Variants in AKAP10 observed in about 807,000 individuals in gnomAD.
AKAP10 encodes A-kinase anchoring protein 10.
Under a neutral mutation model 80.8 loss-of-function variants are expected in AKAP10, and 24 were observed. The ratio of observed to expected loss-of-function variants is 0.30; its 90% CI spans 0.22 to 0.42. AKAP10 has a LOEUF of 0.42. Among genes scored for constraint, AKAP10 ranks in the 10% least tolerant of loss-of-function variants. The pLI is 1.00. For missense variants in AKAP10, 661 were observed against 794.9 expected, an observed-to-expected ratio of 0.83 and a Z score of 2.03; for synonymous variants, 291 against 277.7, an observed-to-expected ratio of 1.05 and a Z score of -0.48.
At chr17:19,931,390 CTCTT>C (rs2042930932) in intron 10 of AKAP10, among the ~76,000 whole-genome samples, 1 of 148,918 alleles carries the variant, frequency 6.7e-6, no homozygotes, top group Non-Finnish European at 1.5e-5. Context: ...TTTTATTTCT[CTCTT>C]TTTTTTTTTT....
intron 4 of AKAP10, among the ~76,000 whole-genome samples, chr17:19,947,936 CA>C (rs2043153236): frequency 6.9e-6 from 1 of 144,180 alleles, no homozygotes; most frequent in African/African-American, 2.6e-5. Flanking sequence ...GATGCTTTAC[CA>C]AAAGTTTATG....
Position 19,936,404 on chromosome 17 carries a change from G to C in AKAP10, c.1349C>G (p.Pro450Arg), listed in dbSNP as rs1324410347. The C allele has an allele frequency of 6.2e-7, 1 of 1,612,276 alleles. No individual in the cohort carries two copies. The highest frequency in any genetic ancestry group is 2.2e-5 in the East Asian group (1 of 44,858). ...DKYFSLQATH[P>R]LGFDDVVRLE... ...TCGTACAACATCATCAAATCCAAGA[G>C]GATGTGTGGCTTGGAGGGAGAAGTA... Residue 450 changes from proline (P) to arginine (R), a missense_variant, in exon 9 of 15, where the codon CCT (proline) becomes CGT (arginine). Pro to Arg is a moderately radical substitution (Grantham distance 103, BLOSUM62 -2). Transcript: ENST00000225737.
intron 11 of AKAP10, among the ~76,000 whole-genome samples, chr17:19,923,620 G>A (rs895713471): frequency 3.3e-5 from 5 of 151,816 alleles, no homozygotes; most frequent in Admixed American, 6.6e-5. Flanking sequence ...TCCGCCTCCC[G>A]GGCTCACGCC....
chr17:19,928,333 C>A (rs1453422384), intron 10 of AKAP10, among the ~76,000 whole-genome samples: 1 of 152,176 alleles, frequency 6.6e-6, no homozygotes, highest in Non-Finnish European at 1.5e-5. Flanking sequence ...AGATGCTCAA[C>A]ATCATTACTC....
At chr17:19,952,051 TAC>T (rs2043222067) in intron 4 of AKAP10, among the ~76,000 whole-genome samples, 1 of 151,322 alleles carries the variant, frequency 6.6e-6, no homozygotes, top group Admixed American at 6.6e-5. Flanking sequence ...TAATTATATT[TAC>T]ACATTATAAA....
At chr17:19,928,605 A>G (rs889712969) in intron 10 of AKAP10, among the ~76,000 whole-genome samples, 7 of 152,172 alleles carry the variant, frequency 4.6e-5, no homozygotes, top group Non-Finnish European at 7.4e-5. Context: ...AGCCGGGCAT[A>G]GTGGCTCACC....
chr17:19,931,704 T>G (rs956024914), intron 10 of AKAP10, 101 bp downstream of exon 10: 1 of 1,377,418 alleles, frequency 7.3e-7, no homozygotes, highest in African/African-American at 1.5e-5. Flanking sequence ...ATCTTTTTTT[T>G]CCACAACTTA....
chr17:19,967,205 A>G (rs534508001), intron 2 of AKAP10, among the ~76,000 whole-genome samples: 34 of 152,200 alleles, frequency 2.2e-4, no homozygotes, highest in Non-Finnish European at 4.4e-4. Context: ...TCCCACTTCA[A>G]TCTCTGTACA....
chr17:19,962,279 C>T (rs1382767538), intron 3 of AKAP10, among the ~76,000 whole-genome samples: 2 of 140,408 alleles, frequency 1.4e-5, no homozygotes, highest in East Asian at 2.0e-4. Context: ...TACATACATA[C>T]ATACATACAT....
chr17:19,954,548 G>A (rs1416759006), intron 4 of AKAP10, among the ~76,000 whole-genome samples: 2 of 149,586 alleles, frequency 1.3e-5, no homozygotes, highest in Non-Finnish European at 3.0e-5. Flanking sequence ...GCAGTGGCGC[G>A]ATCTCGGCTC....
chr17:19,929,999 C>CAAAAAAA (rs11365343), intron 10 of AKAP10, among the ~76,000 whole-genome samples: 4 of 81,852 alleles, frequency 4.9e-5, no homozygotes, highest in Non-Finnish European at 1.0e-4. Flanking sequence ...CAACAAAAAC[C>CAAAAAAA]AAAAAAAAAA....
At chr17:19,936,481 G>A (rs775748657) in intron 8 of AKAP10, 51 bp from the exon 9 acceptor site, 1 of 1,523,386 alleles carries the variant, frequency 6.6e-7, no homozygotes, top group Non-Finnish European at 8.9e-7. Flanking sequence ...GCAAGTATAA[G>A]CAACTTTCAG....
intron 10 of AKAP10, 47 bp from the exon 11 acceptor site, chr17:19,924,564 T>C (rs1437562306): frequency 1.5e-6 from 2 of 1,295,026 alleles, no homozygotes; most frequent in East Asian, 2.6e-5. Flanking sequence ...CAATCAGTCC[T>C]GGGCTTGGAA....
chr17:19,914,166 AT>A (rs916441017), intron 12 of AKAP10, among the ~76,000 whole-genome samples: 1 of 152,054 alleles, frequency 6.6e-6, no homozygotes, highest in Non-Finnish European at 1.5e-5. Context: ...TGCCCAGCTA[AT>A]TTTTAAACAA....
At chr17:19,909,810 T>C in intron 13 of AKAP10, 116 bp downstream of exon 13, 1 of 839,966 alleles carries the variant, frequency 1.2e-6, no homozygotes, top group Non-Finnish European at 1.9e-6. Flanking sequence ...TAAGAGAACA[T>C]AAATGTGCCA....
intron 10 of AKAP10, 26 bp downstream of exon 10, chr17:19,931,779 T>C (rs1330629239): frequency 4.4e-6 from 7 of 1,598,952 alleles, no homozygotes; most frequent in Non-Finnish European, 6.0e-6. Context: ...CTTTTCTCCC[T>C]AATGGCAGAC....
In AKAP10 at chr17:19,931,997, A is replaced by G; in HGVS notation, c.1468-19T>C. ...AAAAGACCTGATAGAGATGAAAAGC[A>G]TTATTTTAAAGTTGAAATCAAATCC... is the stretch of plus-strand genomic sequence containing the variant. On this transcript the variant is annotated intron_variant, in intron 9 of 14. Transcript: ENST00000225737. The G allele has an allele frequency of 6.3e-7, 1 of 1,594,660 alleles. No individual in the cohort carries two copies. Among genetic ancestry groups the G allele is most frequent in the South Asian group, 1.1e-5 (1 of 88,220 alleles).
intron 1 of AKAP10, among the ~76,000 whole-genome samples, chr17:19,971,712 A>G (rs1423323544): frequency 6.6e-6 from 1 of 152,156 alleles, no homozygotes; most frequent in Non-Finnish European, 1.5e-5. Context: ...CCTAATTTTC[A>G]CTTAAACATT....
chr17:19,946,219 ATTTT>A (rs1330430123), intron 5 of AKAP10, among the ~76,000 whole-genome samples: 58 of 26,702 alleles, frequency 2.2e-3, no homozygotes, highest in African/African-American at 6.7e-3. Context: ...ATATATATAT[ATTTT>A]ATATATATAT....
Sources: allele counts gnomAD v4.1 joint callset (sites outside exome capture counted in the v4.1 genomes callset), GRCh38; gene constraint gnomAD v4.1.1; transcripts MANE v1.5; gene names NCBI Gene and HGNC (gene_info 2026-07-23, HGNC 2026-07-21).